Variants in CTNNA2 observed in about 807,000 individuals in gnomAD.
The protein encoded by CTNNA2 is catenin alpha 2.
Under a neutral mutation model 101.0 loss-of-function variants are expected in CTNNA2, and 42 were observed. The ratio of observed to expected loss-of-function variants is 0.42; its 90% CI spans 0.32 to 0.54. CTNNA2 has a LOEUF of 0.54. Among genes scored for constraint, CTNNA2 ranks in the 20% least tolerant of loss-of-function variants. CTNNA2 has a pLI of 0.14. For missense variants in CTNNA2, 871 were observed against 1,223.1 expected (o/e 0.71, Z 4.29); for synonymous variants, 450 against 456.4 (o/e 0.99, Z 0.18).
intron 7 of CTNNA2, among the ~76,000 whole-genome samples, chr2:80,211,780 T>A (rs554543830): frequency 7.9e-5 from 12 of 152,340 alleles, no homozygotes; most frequent in African/African-American, 2.9e-4. Flanking sequence ...TTGATGGGGA[T>A]GGCATTGAAT....
Position 79,667,967 on chromosome 2 carries a change from G to A in CTNNA2, c.102+16309G>A, listed in dbSNP as rs542189918. On this transcript the variant is annotated intron_variant, in intron 2 of 18. Coordinates refer to ENST00000402739, the MANE Select transcript of CTNNA2 (RefSeq NM_001282597.3). Reference sequence around the variant, plus strand: ...TACTAGTAAAAACTTGAGGCCGGGCGCGGTGGCTCACGCCTGTAATCCCAG... The same window carrying A: ...TACTAGTAAAAACTTGAGGCCGGGCACGGTGGCTCACGCCTGTAATCCCAG... Among the ~76,000 whole-genome samples the A allele has an allele frequency of 2.6e-4, 40 of 151,162 alleles. 2 individuals are homozygous for A. The East Asian group carries it at 5.3e-3, about 20-fold the overall frequency.
At chr2:79,869,167 A>G (rs1682384733) in intron 4 of CTNNA2, among the ~76,000 whole-genome samples, 1 of 152,224 alleles carries the variant, frequency 6.6e-6, no homozygotes, top group Non-Finnish European at 1.5e-5. Flanking sequence ...ATTTGGAAGC[A>G]TGGCACATTG....
intron 9 of CTNNA2, among the ~76,000 whole-genome samples, chr2:80,480,915 T>C (rs1686093291): frequency 6.6e-6 from 1 of 152,024 alleles, no homozygotes; most frequent in Non-Finnish European, 1.5e-5. Flanking sequence ...CTCCTAGGAA[T>C]CCCACACCAA....
intron 1 of CTNNA2, among the ~76,000 whole-genome samples, chr2:79,550,190 T>G (rs1414569279): frequency 6.6e-6 from 1 of 152,206 alleles, no homozygotes; most frequent in Non-Finnish European, 1.5e-5. Context: ...CTTTCTGCAC[T>G]CTGGTTACCT....
chr2:80,508,686 A>C (rs1181781519), intron 9 of CTNNA2, among the ~76,000 whole-genome samples: 2 of 152,050 alleles, frequency 1.3e-5, no homozygotes, highest in East Asian at 1.9e-4. Context: ...AAAAAAAAAA[A>C]AAACAAATTT....
At position 79,695,808 on chromosome 2, in the gene CTNNA2, T is replaced by G. The variant is rs1395352161; in HGVS notation, c.102+44150T>G. 2.0e-5 allele frequency among the ~76,000 whole-genome samples: 3 copies of G among 152,124 alleles called. No homozygotes were observed. In the East Asian group the frequency reaches 5.8e-4, roughly 29 times the overall value. On this transcript the variant is annotated intron_variant, in intron 2 of 18. Coordinates refer to ENST00000402739, the MANE Select transcript of CTNNA2 (RefSeq NM_001282597.3). ...GGGATGTCTGACCTGCTATCTTGTC[T>G]TGGCTGAGAACTCAGTTTTCAAGAT...
intron 4 of CTNNA2, among the ~76,000 whole-genome samples, chr2:79,450,529 G>T (rs1310165171): frequency 6.6e-6 from 1 of 152,034 alleles, no homozygotes; most frequent in Non-Finnish European, 1.5e-5. Context: ...CCATAAGATA[G>T]AACTCATTTT....
chr2:79,910,375 A>G (rs2104326608), intron 7 of CTNNA2, among the ~76,000 whole-genome samples: 1 of 152,296 alleles, frequency 6.6e-6, no homozygotes, highest in Middle Eastern at 3.4e-3. Flanking sequence ...ACTGGTATCT[A>G]ATTGTATTTT....
intron 3 of CTNNA2, among the ~76,000 whole-genome samples, chr2:79,809,913 T>C (rs1676874063): frequency 6.6e-6 from 1 of 151,968 alleles, no homozygotes; most frequent in Admixed American, 6.6e-5. Context: ...TTTTTAGAGC[T>C]CCTGAAGGAA....
intron 3 of CTNNA2, among the ~76,000 whole-genome samples, chr2:79,330,718 T>A (rs1264068627): frequency 6.6e-6 from 1 of 152,162 alleles, no homozygotes; most frequent in Non-Finnish European, 1.5e-5. Flanking sequence ...CTGATGGTCT[T>A]ATAAAGGGGA....
At chr2:79,260,836 C>G (rs1674912181) in intron 2 of CTNNA2, among the ~76,000 whole-genome samples, 1 of 152,124 alleles carries the variant, frequency 6.6e-6, no homozygotes, top group South Asian at 2.1e-4. Context: ...CATCCTCACT[C>G]AAGATTGACT....
intron 4 of CTNNA2, among the ~76,000 whole-genome samples, chr2:79,389,804 G>C (rs960497701): frequency 2.6e-5 from 4 of 152,066 alleles, no homozygotes; most frequent in African/African-American, 9.7e-5. Flanking sequence ...CTTTGAATGA[G>C]ACTAATTTAG....
intron 6 of CTNNA2, among the ~76,000 whole-genome samples, chr2:79,906,683 A>T (rs149409495): frequency 0.014 from 2,156 of 152,276 alleles, 58 homozygotes; most frequent in African/African-American, 0.049. Context: ...AGGAAACTCA[A>T]TTGGCTGACA....
intron 7 of CTNNA2, among the ~76,000 whole-genome samples, chr2:80,098,753 G>C (rs1353808375): frequency 1.3e-5 from 2 of 152,182 alleles, no homozygotes; most frequent in African/African-American, 4.8e-5. Flanking sequence ...TTTGATCTCA[G>C]ACTGCTGTGC....
chr2:79,724,362 T>G (rs1686682374), intron 2 of CTNNA2, among the ~76,000 whole-genome samples: 1 of 152,006 alleles, frequency 6.6e-6, no homozygotes, highest in East Asian at 1.9e-4. Context: ...CTCTGTGCAT[T>G]CCAGGAGATG....
intron 7 of CTNNA2, among the ~76,000 whole-genome samples, chr2:79,914,024 G>A (rs561763926): frequency 3.5e-4 from 53 of 151,454 alleles, no homozygotes; most frequent in Non-Finnish European, 1.5e-4. Flanking sequence ...AAAATTAGCC[G>A]GGCGTAGTGG....
intron 1 of CTNNA2, among the ~76,000 whole-genome samples, chr2:79,609,920 T>C (rs1678153944): frequency 6.6e-6 from 1 of 152,136 alleles, no homozygotes. Context: ...AACAAATCAA[T>C]AAATTGAGCT....
intron 2 of CTNNA2, among the ~76,000 whole-genome samples, chr2:79,667,143 G>A (rs946583964): frequency 1.3e-5 from 2 of 152,188 alleles, no homozygotes; most frequent in African/African-American, 4.8e-5. Flanking sequence ...TTTAATATCT[G>A]AAATTTCTTT....
At chr2:80,561,827 A>AT (rs368503035) in intron 12 of CTNNA2, among the ~76,000 whole-genome samples, 105 of 123,560 alleles carry the variant, frequency 8.5e-4, no homozygotes, top group East Asian at 2.9e-3. Context: ...CGCCTGGCTA[A>AT]TTTTTTTTTT....
Sources: allele counts gnomAD v4.1 joint callset (sites outside exome capture counted in the v4.1 genomes callset), GRCh38; gene constraint gnomAD v4.1.1; transcripts MANE v1.5; gene names NCBI Gene and HGNC (gene_info 2026-07-23, HGNC 2026-07-21).